The following BID variants were observed in gnomAD, a reference collection of about 807,000 sequenced individuals.
The protein encoded by BID is BH3-interacting domain death agonist.
Under a neutral mutation model 17.4 loss-of-function variants are expected in BID, and 19 were observed. That is an observed-to-expected ratio of 1.09 (90% CI 0.76 to 1.60). The LOEUF (loss-of-function observed/expected upper bound fraction) is 1.60. BID is among the 40% of genes most tolerant of loss of function. The probability of loss-of-function intolerance (pLI) is 0.00; values close to 1 mark genes in which losing one functional copy is unlikely to be tolerated. For synonymous variants in BID, 108 were observed against 102.8 expected (o/e 1.05, Z -0.31); for missense variants, 226 against 256.0 (o/e 0.88, Z 0.80).
intron 1 of BID, among the ~76,000 whole-genome samples, chr22:17,761,307 G>GT (rs1201652823): frequency 6.6e-6 from 1 of 151,600 alleles, no homozygotes; most frequent in African/African-American, 2.4e-5. Flanking sequence ...TTTGTTCTTT[G>GT]TTTTTTCCCC....
At position 17,734,938 on chromosome 22, in the gene BID, A is replaced by T. The variant is rs1016169829; in HGVS notation, c.*642T>A. 6.6e-6 allele frequency: 1 copy of T among 152,272 alleles called. No individual in the cohort carries two copies. Among genetic ancestry groups the T allele is most frequent in the Non-Finnish European group, 1.5e-5 (1 of 68,060 alleles). 9.4% of individuals were successfully genotyped at this position (152,272 alleles called of 1,614,324 possible). A position where few individuals can be genotyped will look rare whatever the true frequency, so the allele number is the denominator to read the frequency against. On this transcript the variant is annotated 3_prime_UTR_variant, in exon 6 of 6. Coordinates refer to ENST00000622694, the MANE Select transcript of BID (RefSeq NM_001196.4). The stretch of plus-strand genomic sequence containing the variant: ...GTTCTTTTTGACTCCAACAAAGGAA[A>T]CGAAGTTGAAAAAGTCAAGCCCCTG...
chr22:17,748,656 T>TG (rs936816188), intron 2 of BID, among the ~76,000 whole-genome samples: 3 of 152,084 alleles, frequency 2.0e-5, no homozygotes, highest in Non-Finnish European at 4.4e-5. Flanking sequence ...GCCGTACTGC[T>TG]GCCTCCGCTT....
intron 1 of BID, among the ~76,000 whole-genome samples, chr22:17,756,416 CTTTCTTTCTTTCTTTCTTCTT>C (rs2061584638): frequency 4.4e-5 from 2 of 45,582 alleles, no homozygotes; most frequent in East Asian, 7.1e-3. Context: ...TTTTCTCTTT[CTTTCTTTCTTTCTTTCTTCTT>C]TCTTTCTTTC....
chr22:17,756,073 A>G (rs1304578536), intron 1 of BID, among the ~76,000 whole-genome samples: 9 of 152,102 alleles, frequency 5.9e-5, no homozygotes, highest in African/African-American at 2.2e-4. Flanking sequence ...TCACTATGTT[A>G]GCCAGGCTGG....
chr22:17,746,881 A>G (rs2061498507), intron 2 of BID, among the ~76,000 whole-genome samples: 1 of 152,152 alleles, frequency 6.6e-6, no homozygotes, highest in Non-Finnish European at 1.5e-5. Flanking sequence ...TCTGTTGTTT[A>G]AAGCCACTCT....
chr22:17,754,927 G>T (rs2061570454), intron 1 of BID, among the ~76,000 whole-genome samples: 1 of 150,464 alleles, frequency 6.6e-6, no homozygotes, highest in Non-Finnish European at 1.5e-5. Flanking sequence ...ACCACACCCG[G>T]CTAATTTTTG....
intron 1 of BID, among the ~76,000 whole-genome samples, chr22:17,754,069 CAGGA>C: frequency 6.6e-6 from 1 of 151,894 alleles, no homozygotes; most frequent in Non-Finnish European, 1.5e-5. Context: ...CAGGACTCTG[CAGGA>C]CAGGGGTGAC....
intron 1 of BID, among the ~76,000 whole-genome samples, chr22:17,756,455 CTT>C (rs1361307454): frequency 2.0e-5 from 2 of 99,990 alleles, no homozygotes; most frequent in African/African-American, 3.9e-5. Context: ...TTCTTTCTTT[CTT>C]TCTTTCTTTC....
At chr22:17,747,603 G>A (rs964245625) in intron 2 of BID, among the ~76,000 whole-genome samples, 1 of 152,030 alleles carries the variant, frequency 6.6e-6, no homozygotes, top group Non-Finnish European at 1.5e-5. Flanking sequence ...TTACTGGCGT[G>A]AGCCACCATG....
At position 17,757,402 on chromosome 22, in the gene BID, CAAAAAA is replaced by C. The variant is rs34545330; in HGVS notation, c.-58-7234_-58-7229del. Among the ~76,000 whole-genome samples, 5 of 61,046 alleles carry C rather than the reference CAAAAAA, an allele frequency of 8.2e-5. No homozygotes were observed. In the East Asian group the frequency reaches 2.2e-3, roughly 26 times the overall value. 40.0% of individuals were successfully genotyped at this position (61,046 alleles called of 152,430 possible). On this transcript the variant is annotated intron_variant, in intron 1 of 5. Transcript: ENST00000622694. ...TGGGCAACAGAGCCTGACCCTGTCCCAAAAAAAAAAAAAAAAAAAAAAAATGCCAGG... is the reference window on the plus strand; with the variant it reads ...TGGGCAACAGAGCCTGACCCTGTCCCAAAAAAAAAAAAAAAAAATGCCAGG...
At chr22:17,763,904 TA>T (rs3838142) in intron 1 of BID, among the ~76,000 whole-genome samples, 57,572 of 145,778 alleles carry the variant, frequency 0.39, 11,869 homozygotes, top group East Asian at 0.72. Flanking sequence ...ACTTATAATT[TA>T]AAAAAAAAAA....
At chr22:17,774,333 C>A in intron 1 of BID, 48 bp downstream of exon 1, 1 of 156,236 alleles carries the variant, frequency 6.4e-6, no homozygotes, top group Non-Finnish European at 1.4e-5. Context: ...GCAGGGGTCA[C>A]GGGCTGGGGC....
At chr22:17,757,936 T>G (rs2061606241) in intron 1 of BID, among the ~76,000 whole-genome samples, 1 of 152,228 alleles carries the variant, frequency 6.6e-6, no homozygotes, top group South Asian at 2.1e-4. Context: ...TCAAGTTGGA[T>G]GGAAGCAGAG....
At chr22:17,738,321 C>G in intron 4 of BID, 92 bp from the exon 5 acceptor site, 1 of 1,202,086 alleles carries the variant, frequency 8.3e-7, no homozygotes, top group Non-Finnish European at 1.2e-6. Context: ...CTTCAAAGTA[C>G]TTATTAAGTA....
At chr22:17,762,701 C>A (rs2061648982) in intron 1 of BID, among the ~76,000 whole-genome samples, 1 of 151,506 alleles carries the variant, frequency 6.6e-6, no homozygotes, top group Admixed American at 6.6e-5. Flanking sequence ...CAGGTAAGGA[C>A]CACTGTGACT....
At chr22:17,770,980 A>G (rs1285599934) in intron 1 of BID, among the ~76,000 whole-genome samples, 1 of 152,170 alleles carries the variant, frequency 6.6e-6, no homozygotes, top group Non-Finnish European at 1.5e-5. Context: ...CCCTGGGGCC[A>G]CAGCAGCCAC....
At chr22:17,770,744 C>T (rs1276928907) in intron 1 of BID, among the ~76,000 whole-genome samples, 1 of 152,254 alleles carries the variant, frequency 6.6e-6, no homozygotes, top group Non-Finnish European at 1.5e-5. Context: ...CCACGGCACA[C>T]TTTCCTTCCT....
In BID at chr22:17,735,538, C is replaced by T. The variant is rs1362211276; in HGVS notation, c.*42G>A. On this transcript the variant is annotated 3_prime_UTR_variant, in exon 6 of 6. Coordinates refer to ENST00000622694, the MANE Select transcript of BID (RefSeq NM_001196.4). Reference sequence around the variant, plus strand: ...ACTGGAAGCAGCTATACAGCTGTGACCACATCGAGCTTTAGCCAGTCACAC... The same window carrying T: ...ACTGGAAGCAGCTATACAGCTGTGATCACATCGAGCTTTAGCCAGTCACAC... 8.1e-6 allele frequency: 13 copies of T among 1,613,580 alleles called. No individual in the cohort carries two copies. Among genetic ancestry groups the T allele is most frequent in the Non-Finnish European group, 1.0e-5 (12 of 1,179,658 alleles).
chr22:17,741,389 G>A (rs181396), intron 3 of BID, among the ~76,000 whole-genome samples: 78,329 of 151,974 alleles, frequency 0.52, 20,814 homozygotes, highest in East Asian at 0.84. Context: ...CTCTGCTTAA[G>A]TGACAAGTCA....
Sources: allele counts gnomAD v4.1 joint callset (sites outside exome capture counted in the v4.1 genomes callset), GRCh38; gene constraint gnomAD v4.1.1; transcripts MANE v1.5; gene names NCBI Gene and HGNC (gene_info 2026-07-23, HGNC 2026-07-21).